Variants in SLC10A4 observed in about 807,000 individuals in gnomAD.
SLC10A4 encodes the protein putative sodium/bile acid cotransporter 4.
A neutral mutation model predicts 22.5 loss-of-function variants in SLC10A4; 17 were observed. The ratio of observed to expected loss-of-function variants is 0.76; its 90% CI spans 0.52 to 1.14. The LOEUF (loss-of-function observed/expected upper bound fraction) is 1.14. Ranked by LOEUF, SLC10A4 falls within the 50% of genes most tolerant of loss-of-function variation. SLC10A4 has a pLI of 0.00. For missense variants in SLC10A4, 548 were observed against 584.0 expected (o/e 0.94, Z 0.64); for synonymous variants, 257 against 258.2 (o/e 1.00, Z 0.04).
At position 48,483,620 on chromosome 4, in the gene SLC10A4, C is replaced by G. The variant is rs534764410; in HGVS notation, c.59C>G (p.Thr20Ser). 45 of 1,497,436 alleles carry G rather than the reference C, an allele frequency of 3.0e-5. No homozygotes were observed. The highest frequency in any genetic ancestry group is 4.0e-5 in the Non-Finnish European group (45 of 1,127,456). 92.8% of individuals were successfully genotyped at this position (1,497,436 alleles called of 1,614,324 possible). Residue 20 changes from threonine (T) to serine (S), a missense_variant, in exon 1 of 3, where the codon ACC (threonine) becomes AGC (serine). By Grantham distance (58) the Thr-to-Ser change is moderately conservative. Transcript: ENST00000273861. The surrounding 1 kb of genome is among the most constrained non-coding windows in gnomAD (Gnocchi z 5.4). ...LFAPLLRDNYTLAPNASSLGP... is the reference protein window; with the variant it reads ...LFAPLLRDNYSLAPNASSLGP... ...GCCCCTCTGCTGCGGGACAACTACA[C>G]CCTGGCGCCCAATGCCAGCAGCCTG...
At position 48,487,042 on chromosome 4, in the gene SLC10A4, T is replaced by TA. The variant is rs201719016; in HGVS notation, c.802-1376dup. Among the ~76,000 whole-genome samples, 26 of 150,520 alleles carry TA rather than the reference T, an allele frequency of 1.7e-4. 1 individual carries two copies. Among genetic ancestry groups the TA allele is most frequent in the South Asian group, 1.0e-3 (5 of 4,770 alleles). On this transcript the variant is annotated intron_variant, in intron 2 of 2. Coordinates refer to ENST00000273861, the MANE Select transcript of SLC10A4 (RefSeq NM_152679.4). The stretch of plus-strand genomic sequence containing the variant: ...TTTCCTTTCCCTGCCCACTCCTCAT[T>TA]AAAAAAAAATAAGTTAACTACCAAT...
At position 48,484,123 on chromosome 4, in the gene SLC10A4, C is replaced by T. The variant is rs189866168; in HGVS notation, c.562C>T (p.Leu188=). 121 of 1,587,468 alleles carry T rather than the reference C, an allele frequency of 7.6e-5. No individual in the cohort carries two copies. The highest frequency in any genetic ancestry group is 2.3e-5 in the East Asian group (1 of 44,390). The part of the protein sequence containing the change: ...PGGNLSNLMS[L]LVDGDMNLSI... The stretch of plus-strand genomic sequence containing the variant: ...CGGCAATCTCTCCAATCTTATGTCC[C>T]TGCTGGTTGACGGCGACATGAACCT... Residue 188 remains leucine, a synonymous_variant, in exon 1 of 3, where the codon CTG becomes TTG. Coordinates refer to ENST00000273861, the MANE Select transcript of SLC10A4 (RefSeq NM_152679.4).
chr4:48,483,743 G>A lies in SLC10A4; in HGVS notation c.182G>A (p.Gly61Asp). 2 of 1,465,426 alleles carry A rather than the reference G, an allele frequency of 1.4e-6. No homozygotes were observed. Among genetic ancestry groups the A allele is most frequent in the Admixed American group, 2.3e-5 (1 of 42,582 alleles). The allele number at this position is 1,465,426 out of a possible 1,614,324, so 90.8% of individuals were successfully genotyped here. A position where few individuals can be genotyped will look rare whatever the true frequency, so the allele number is the denominator to read the frequency against. The change falls in exon 1 of 3, where the codon GGC becomes GAC. Residue 61 changes from glycine (G) to aspartate (D), a missense_variant. Physicochemically the swap from Gly to Asp is moderately conservative, Grantham distance 94. This residue lies in a region of SLC10A4 where 225 missense variants were observed against 206.9 expected (regional missense o/e 1.09). Transcript: ENST00000273861. The surrounding 1 kb of genome is among the most constrained non-coding windows in gnomAD (Gnocchi z 5.4). ...GPGPSFGFSP[G>D]PTPTPEPTTS... is the part of the protein sequence containing the mutation. ...GGTCCGAGCTTCGGCTTCAGCCCCGGCCCCACTCCGACCCCGGAGCCCACG... is the reference window on the plus strand; with the variant it reads ...GGTCCGAGCTTCGGCTTCAGCCCCGACCCCACTCCGACCCCGGAGCCCACG...
At position 48,485,022 on chromosome 4, in the gene SLC10A4, T is replaced by C. The variant is rs879798376; in HGVS notation, c.681T>C (p.Pro227=). The C allele has an allele frequency of 6.2e-7, 1 of 1,614,120 alleles. No homozygotes were observed. Among genetic ancestry groups the C allele is most frequent in the Admixed American group, 1.7e-5 (1 of 60,014 alleles). Residue 227 remains proline (P), a synonymous_variant, in exon 2 of 3, where the codon CCT becomes CCC. Coordinates refer to ENST00000273861, the MANE Select transcript of SLC10A4 (RefSeq NM_152679.4). ...ACAGCTGGGCTTGGATCAACACCCC[T>C]ATCGTGCAGTTACTACCCCTAGGGA... The part of the protein sequence containing the change: ...WIYSWAWINT[P]IVQLLPLGTV...
In SLC10A4 at chr4:48,489,308, T is replaced by C; in HGVS notation, c.*369T>C. 5.9e-6 allele frequency: 1 copy of C among 168,200 alleles called. No individual in the cohort carries two copies. Among genetic ancestry groups the C allele is most frequent in the Non-Finnish European group, 1.3e-5 (1 of 78,806 alleles). The allele number at this position is 168,200 out of a possible 1,614,324, so 10.4% of individuals were successfully genotyped here. On this transcript the variant is annotated 3_prime_UTR_variant, in exon 3 of 3. Coordinates refer to ENST00000273861, the MANE Select transcript of SLC10A4 (RefSeq NM_152679.4). The stretch of plus-strand genomic sequence containing the variant: ...CTATCTTTGTAAAGCATAATTGAGT[T>C]TAATGTAATTGTTGTAAAAAAAAAA...
At chr4:48,484,678 A>G (rs923423635) in intron 1 of SLC10A4, among the ~76,000 whole-genome samples, 3 of 152,044 alleles carry the variant, frequency 2.0e-5, no homozygotes, top group African/African-American at 7.2e-5. Flanking sequence ...TCCAGGCTCA[A>G]TAGACTTTAT....
Position 48,489,027 on chromosome 4 carries a change from T to G in SLC10A4, c.*88T>G. ...TAGTGCACATGGTTAACATAAAAGA[T>G]AACACTGGTTCACATCATACATGTA... On this transcript the variant is annotated 3_prime_UTR_variant, in exon 3 of 3. Coordinates refer to ENST00000273861, the MANE Select transcript of SLC10A4 (RefSeq NM_152679.4). The G allele has an allele frequency of 7.1e-7, 1 of 1,401,232 alleles. No homozygotes were observed. The highest frequency in any genetic ancestry group is 9.7e-7 in the Non-Finnish European group (1 of 1,034,502). The allele number at this position is 1,401,232 out of a possible 1,614,324, so 86.8% of individuals were successfully genotyped here.
rs1048381095 is a variant in SLC10A4, at chr4:48,488,435, G to C, written c.810G>C (p.Leu270=). 20 of 1,592,662 alleles carry C rather than the reference G, an allele frequency of 1.3e-5. No individual in the cohort carries two copies. The highest frequency in any genetic ancestry group is 1.5e-5 in the Non-Finnish European group (18 of 1,167,824). Residue 270 remains leucine (L), a synonymous_variant, in exon 3 of 3, where the codon CTG becomes CTC. Coordinates refer to ENST00000273861, the MANE Select transcript of SLC10A4 (RefSeq NM_152679.4). The part of the protein sequence containing the change: ...RVADYIVKVS[L]WSLLVTLVVL... ...TAATTTTCTATTACTAGGTTTCCCT[G>C]TGGTCTCTGCTAGTGACTCTGGTGG...
In SLC10A4 at chr4:48,483,978, G is replaced by A. The variant is rs773166749; in HGVS notation, c.417G>A (p.Ala139=). 9.0e-6 allele frequency: 14 copies of A among 1,557,888 alleles called. No homozygotes were observed. The South Asian group carries it at 1.4e-4, about 15-fold the overall frequency. Residue 139 remains alanine, a synonymous_variant, in exon 1 of 3, where the codon GCG becomes GCA. Coordinates refer to ENST00000273861, the MANE Select transcript of SLC10A4 (RefSeq NM_152679.4). This position sits in a 1 kb window ranked among gnomAD's most constrained non-coding sequence, Gnocchi z 5.4. The part of the protein sequence containing the change: ...FGAHVRRPVG[A]LLAALCQFGL... ...CGCACGTCCGTCGGCCCGTGGGCGC[G>A]CTGCTGGCAGCGCTCTGCCAGTTCG...
Position 48,489,106 on chromosome 4 carries a change from A to T in SLC10A4, c.*167A>T. ...GTGTATTAACCAAACGTTGTCACAAATTACAAATCAATGCTGTAATATAAT... is the reference window on the plus strand; with the variant it reads ...GTGTATTAACCAAACGTTGTCACAATTTACAAATCAATGCTGTAATATAAT... On this transcript the variant is annotated 3_prime_UTR_variant, in exon 3 of 3. Coordinates refer to ENST00000273861, the MANE Select transcript of SLC10A4 (RefSeq NM_152679.4). 1.3e-6 allele frequency: 1 copy of T among 751,682 alleles called. No individual in the cohort carries two copies. The highest frequency in any genetic ancestry group is 2.0e-6 in the Non-Finnish European group (1 of 490,006). The allele number at this position is 751,682 out of a possible 1,614,324, so 46.6% of individuals were successfully genotyped here.
Position 48,483,430 on chromosome 4 carries a change from C to G in SLC10A4, c.-132C>G. On this transcript the variant is annotated 5_prime_UTR_variant, in exon 1 of 3. Transcript: ENST00000273861. This position sits in a 1 kb window ranked among gnomAD's most constrained non-coding sequence, Gnocchi z 5.4. The stretch of plus-strand genomic sequence containing the variant: ...ACCGGCCCGCCGCCCCCGACGCCGC[C>G]GAGCACGTCAGCGGCGCGCAGCCGG... 1 of 634,718 alleles carries G rather than the reference C, an allele frequency of 1.6e-6. No homozygotes were observed. Among genetic ancestry groups the G allele is most frequent in the Non-Finnish European group, 2.3e-6 (1 of 435,568 alleles). 39.3% of individuals were successfully genotyped at this position (634,718 alleles called of 1,614,324 possible). A position where few individuals can be genotyped will look rare whatever the true frequency, so the allele number is the denominator to read the frequency against.
Position 48,483,619 on chromosome 4 carries a change from A to G in SLC10A4, c.58A>G (p.Thr20Ala), listed in dbSNP as rs375866616. The G allele has an allele frequency of 4.0e-6, 6 of 1,496,748 alleles. No homozygotes were observed. The African/African-American group carries it at 8.8e-5, about 22-fold the overall frequency. The allele number at this position is 1,496,748 out of a possible 1,614,324, so 92.7% of individuals were successfully genotyped here. The change falls in exon 1 of 3, where the codon ACC becomes GCC. Residue 20 changes from threonine to alanine, a missense_variant. Physicochemically the swap from Thr to Ala is moderately conservative, Grantham distance 58. This residue lies in a region of SLC10A4 where 225 missense variants were observed against 206.9 expected (regional missense o/e 1.09). Coordinates refer to ENST00000273861, the MANE Select transcript of SLC10A4 (RefSeq NM_152679.4). The surrounding 1 kb of genome is among the most constrained non-coding windows in gnomAD (Gnocchi z 5.4). ...CGCCCCTCTGCTGCGGGACAACTAC[A>G]CCCTGGCGCCCAATGCCAGCAGCCT... ...LFAPLLRDNYTLAPNASSLGP... is the reference protein window; with the variant it reads ...LFAPLLRDNYALAPNASSLGP...
At position 48,488,676 on chromosome 4, in the gene SLC10A4, GC is replaced by G; in HGVS notation, c.1053del (p.Pro353HisfsTer5). On this transcript the variant is annotated frameshift_variant, in exon 3 of 3. Coordinates refer to ENST00000273861, the MANE Select transcript of SLC10A4 (RefSeq NM_152679.4). LOFTEE classifies it high-confidence loss of function. ...GCTCTGTACAGCCATTCTAAAACTGGCCTTTCCACCGCAATTCATAGGAAGC... is the reference window on the plus strand; with the variant it reads ...GCTCTGTACAGCCATTCTAAAACTGGCTTTCCACCGCAATTCATAGGAAGC... ...VQLCTAILKLAFPPQFIGSMY... is the reference protein window; with the variant it reads ...VQLCTAILKLXFPPQFIGSMY... 6.2e-7 allele frequency: 1 copy of G among 1,613,922 alleles called. No individual in the cohort carries two copies. Among genetic ancestry groups the G allele is most frequent in the Non-Finnish European group, 8.5e-7 (1 of 1,180,008 alleles).
At chr4:48,486,195 T>A (rs939698225) in intron 2 of SLC10A4, among the ~76,000 whole-genome samples, 2 of 152,134 alleles carry the variant, frequency 1.3e-5, no homozygotes, top group Non-Finnish European at 2.9e-5. Context: ...AGAGTCAGCT[T>A]TTATTAATAT....
At chr4:48,486,836 T>C (rs1374626956) in intron 2 of SLC10A4, among the ~76,000 whole-genome samples, 7 of 152,156 alleles carry the variant, frequency 4.6e-5, no homozygotes, top group Non-Finnish European at 8.8e-5. Context: ...ATCTGTAGTA[T>C]CTGTACCTTA....
chr4:48,485,201 A>G, intron 2 of SLC10A4, 59 bp downstream of exon 2: 1 of 1,535,292 alleles, frequency 6.5e-7, no homozygotes, highest in Non-Finnish European at 9.0e-7. Flanking sequence ...TCTGACCCAC[A>G]GCAGAAATGT....
chr4:48,484,811 A>G (rs927290944), intron 1 of SLC10A4, 121 bp from the exon 2 acceptor site: 1 of 890,790 alleles, frequency 1.1e-6, no homozygotes, highest in African/African-American at 1.7e-5. Context: ...GGTTCTGCCC[A>G]GACTTCAACC....
intron 2 of SLC10A4, among the ~76,000 whole-genome samples, chr4:48,487,561 G>A (rs1277855699): frequency 6.6e-6 from 1 of 152,038 alleles, no homozygotes; most frequent in Non-Finnish European, 1.5e-5. Flanking sequence ...GACCATACCT[G>A]GGGTATTAGG....
chr4:48,487,335 C>T (rs982103495), intron 2 of SLC10A4, among the ~76,000 whole-genome samples: 2 of 152,180 alleles, frequency 1.3e-5, no homozygotes, highest in Non-Finnish European at 2.9e-5. Flanking sequence ...TTACATTTTT[C>T]TCTCTTACAT....
Sources: allele counts gnomAD v4.1 joint callset (sites outside exome capture counted in the v4.1 genomes callset), GRCh38; gene constraint gnomAD v4.1.1; regional missense constraint gnomAD v4.1.1; non-coding constraint Gnocchi (gnomAD v3.1); transcripts MANE v1.5; gene names NCBI Gene and HGNC (gene_info 2026-07-23, HGNC 2026-07-21).